The following COL4A3 variants were observed in gnomAD, a reference collection of about 807,000 sequenced individuals.
The protein encoded by COL4A3 is collagen type IV alpha 3 chain.
In COL4A3, 135 loss-of-function variants were observed where a neutral mutation model predicts 217.4. That is an observed-to-expected ratio of 0.62 (90% CI 0.54 to 0.72). The LOEUF is 0.72. Among genes scored for constraint, COL4A3 ranks in the 30% least tolerant of loss-of-function variants. The pLI, the probability that COL4A3 is intolerant of heterozygous loss-of-function variation, is 0.00. For missense variants in COL4A3, 1,868 were observed against 2,119.9 expected, an observed-to-expected ratio of 0.88 and a Z score of 2.33; for synonymous variants, 690 against 736.3, an observed-to-expected ratio of 0.94 and a Z score of 1.02.
chr2:227,164,706 G>C lies in COL4A3; in HGVS notation c.-21G>C. ...GCCTGAGGGTCCCCGGACTCGCCCAGGCTCTGAGCGCGCGCCCACCATGAG... is the reference window on the plus strand; with the variant it reads ...GCCTGAGGGTCCCCGGACTCGCCCACGCTCTGAGCGCGCGCCCACCATGAG... On this transcript the variant is annotated 5_prime_UTR_variant, in exon 1 of 52. Coordinates refer to ENST00000396578, the MANE Select transcript of COL4A3 (RefSeq NM_000091.5). The surrounding 1 kb of genome is among the most constrained non-coding windows in gnomAD (Gnocchi z 4.8). The C allele has an allele frequency of 1.3e-6, 2 of 1,530,106 alleles. No homozygotes were observed. The highest frequency in any genetic ancestry group is 1.2e-5 in the South Asian group (1 of 83,764). 94.8% of individuals were successfully genotyped at this position (1,530,106 alleles called of 1,614,324 possible). A position where few individuals can be genotyped will look rare whatever the true frequency, so the allele number is the denominator to read the frequency against.
rs2125956319 is a variant in COL4A3 at position 227,259,805 on chromosome 2, G to T, written c.1042G>T (p.Asp348Tyr). ...TTTCTCCTCTAAGACAGAATATTAT[G>T]ACACATACCAGGAAAAGGGAGATGA... ...PGFRGPTEYY[D>Y]TYQEKGDEGT... The change falls in exon 19 of 52, where the codon GAC becomes TAC. Residue 348 changes from aspartate (D) to tyrosine (Y), a missense_variant. This residue lies in a region of COL4A3 where 1,503 missense variants were observed against 1,786.1 expected (regional missense o/e 0.84). Transcript: ENST00000396578. The T allele has an allele frequency of 6.2e-7, 1 of 1,611,886 alleles. No individual in the cohort carries two copies. Among genetic ancestry groups the T allele is most frequent in the South Asian group, 1.1e-5 (1 of 91,006 alleles).
At position 227,259,005 on chromosome 2, in the gene COL4A3, G is replaced by GT. The variant is rs35075518; in HGVS notation, c.1030-776dup. On this transcript the variant is annotated intron_variant, in intron 18 of 51. Transcript: ENST00000396578. Reference sequence around the variant, plus strand: ...ATCTAGCATATGAAAAAGCAAAGAGGTTTTTTTTTTTTCAAACCTTTGATA... The same window carrying GT: ...ATCTAGCATATGAAAAAGCAAAGAGGTTTTTTTTTTTTTCAAACCTTTGATA... Among the ~76,000 whole-genome samples, 1,271 of 142,728 alleles carry GT rather than the reference G, an allele frequency of 8.9e-3. 16 individuals carry two copies. The highest frequency in any genetic ancestry group is 0.029 in the African/African-American group (1,122 of 39,000). The allele number at this position is 142,728 out of a possible 152,430, so 93.6% of individuals were successfully genotyped here. A position where few individuals can be genotyped will look rare whatever the true frequency, so the allele number is the denominator to read the frequency against.
rs147748219 is a variant in COL4A3 at position 227,196,872 on chromosome 2, G to A, written c.87+32059G>A. Among the ~76,000 whole-genome samples, 338 of 151,558 alleles carry A rather than the reference G, an allele frequency of 2.2e-3. 3 individuals carry two copies. Among genetic ancestry groups the A allele is most frequent in the African/African-American group, 7.3e-3 (301 of 41,182 alleles). ...GTATAGTAGTAGGTCATGTGGTTTG[G>A]ATGTGTCCCCACCCAAATCTCATCT... On this transcript the variant is annotated intron_variant, in intron 1 of 51. Transcript: ENST00000396578.
intron 1 of COL4A3, among the ~76,000 whole-genome samples, chr2:227,208,765 T>TACACACACACACACACAC (rs60244094): frequency 1.4e-5 from 2 of 138,490 alleles, no homozygotes; most frequent in African/African-American, 5.4e-5. Context: ...GGCGGTTGGT[T>TACACACACACACACACAC]ACACACACAC....
At chr2:227,257,067 G>A (rs1045534070) in intron 17 of COL4A3, among the ~76,000 whole-genome samples, 2 of 152,192 alleles carry the variant, frequency 1.3e-5, no homozygotes, top group African/African-American at 4.8e-5. Context: ...GTAAAAATGT[G>A]ATATTATAAT....
rs75604341 is a variant in COL4A3 at position 227,204,678 on chromosome 2, G to A, written c.88-33290G>A. Among the ~76,000 whole-genome samples the A allele has an allele frequency of 7.8e-3, 1,186 of 152,240 alleles. 10 individuals are homozygous for A. The highest frequency in any genetic ancestry group is 0.037 in the Middle Eastern group (11 of 294). ...CTGGACACAAGTACCAAGTAGCCAG[G>A]GATTTTCAAATTCTATCCCCAGATT... On this transcript the variant is annotated intron_variant, in intron 1 of 51. Coordinates refer to ENST00000396578, the MANE Select transcript of COL4A3 (RefSeq NM_000091.5).
chr2:227,178,662 A>G (rs1439827514), intron 1 of COL4A3, among the ~76,000 whole-genome samples: 1 of 151,912 alleles, frequency 6.6e-6, no homozygotes, highest in East Asian at 1.9e-4. Flanking sequence ...CCTCCTGAGT[A>G]GCTGGGATTA....
In COL4A3 at chr2:227,250,560, T is replaced by G. The variant is rs531298231; in HGVS notation, c.547-580T>G. The stretch of plus-strand genomic sequence containing the variant: ...TGCCTTCATAGAGCTTACATTCTCA[T>G]GGGGGAAACAAAAGCGTGTAAATGA... On this transcript the variant is annotated intron_variant, in intron 9 of 51. Transcript: ENST00000396578. The surrounding 1 kb of genome is among the most constrained non-coding windows in gnomAD (Gnocchi z 4.1). Among the ~76,000 whole-genome samples the G allele has an allele frequency of 1.2e-4, 18 of 152,006 alleles. No homozygotes were observed. The South Asian group carries it at 2.9e-3, about 25-fold the overall frequency.
intron 34 of COL4A3, among the ~76,000 whole-genome samples, chr2:227,288,488 G>C (rs1337657976): frequency 1.3e-5 from 2 of 152,186 alleles, no homozygotes; most frequent in East Asian, 3.8e-4. Flanking sequence ...GAGCTTTCCA[G>C]CTGGGCAGAA....
At chr2:227,290,614 T>C (rs2072634890) in intron 36 of COL4A3, 133 bp from the exon 37 acceptor site, 3 of 728,652 alleles carry the variant, frequency 4.1e-6, no homozygotes, top group East Asian at 2.7e-5. Context: ...TAATCATCTA[T>C]TGTAACTACC....
chr2:227,295,741 C>A (rs1382701395), intron 41 of COL4A3, among the ~76,000 whole-genome samples: 1 of 152,148 alleles, frequency 6.6e-6, no homozygotes, highest in Non-Finnish European at 1.5e-5. Context: ...ACCCCCAGAT[C>A]CAGCTTGCGG....
At chr2:227,231,303 G>C (rs955530229) in intron 1 of COL4A3, among the ~76,000 whole-genome samples, 5 of 152,156 alleles carry the variant, frequency 3.3e-5, no homozygotes, top group African/African-American at 1.2e-4. Context: ...CAGAGCTGGA[G>C]GCGTCCCCCT....
In COL4A3 at chr2:227,293,705, T is replaced by G. The variant is rs570639318; in HGVS notation, c.3337+388T>G. 7 of 475,004 alleles carry G rather than the reference T, an allele frequency of 1.5e-5. No individual in the cohort carries two copies. The Admixed American group carries it at 1.6e-4, about 11-fold the overall frequency. 29.4% of individuals were successfully genotyped at this position (475,004 alleles called of 1,614,324 possible). ...TGTTAGCCAAAAGGCTGAGAAGTGA[T>G]TAGGTGGCTTAAACTACAGATGTTT... is the stretch of plus-strand genomic sequence containing the variant. On this transcript the variant is annotated intron_variant, in intron 38 of 51. Coordinates refer to ENST00000396578, the MANE Select transcript of COL4A3 (RefSeq NM_000091.5).
chr2:227,296,427 T>C (rs1429324940), intron 41 of COL4A3: 7 of 858,566 alleles, frequency 8.2e-6, no homozygotes, highest in Non-Finnish European at 9.8e-6. Flanking sequence ...TTTAAAAGCC[T>C]TAAAACTAAC....
Position 227,225,705 on chromosome 2 carries a change from CTTTCT to C in COL4A3, c.88-12259_88-12255del, listed in dbSNP as rs1222434882. 2.5e-4 allele frequency among the ~76,000 whole-genome samples: 31 copies of C among 122,480 alleles called. No homozygotes were observed. The South Asian group carries it at 6.9e-3, about 27-fold the overall frequency. 80.4% of individuals were successfully genotyped at this position (122,480 alleles called of 152,430 possible). On this transcript the variant is annotated intron_variant, in intron 1 of 51. Transcript: ENST00000396578. ...TCCCATGTTAAGGGAACAGCTTTTT[CTTTCT>C]TTTTTTTTTTTTTTTTTGTTGAGAC...
intron 1 of COL4A3, among the ~76,000 whole-genome samples, chr2:227,208,002 G>C (rs1295231178): frequency 2.0e-5 from 3 of 151,972 alleles, no homozygotes; most frequent in Non-Finnish European, 4.4e-5. Context: ...TGGAGTATTG[G>C]TTACTCTCTC....
chr2:227,269,848 T>C, intron 23 of COL4A3, 62 bp from the exon 24 acceptor site: 5 of 1,356,210 alleles, frequency 3.7e-6, no homozygotes, highest in Non-Finnish European at 5.3e-6. Flanking sequence ...TACATTGTAT[T>C]ACCCTGTCTA....
In COL4A3 at chr2:227,253,594, C is replaced by G. The variant is rs1210114948; in HGVS notation, c.721C>G (p.Pro241Ala). ...AGGGTTAACAGGACCCCCGGGACCA[C>G]CAGGAACAGTTATTGTGACCCTAAC... ...VKGLTGPPGP[P>A]GTVIVTLTGP... Residue 241 changes from proline (P) to alanine (A), a missense_variant, in exon 13 of 52, where the codon CCA becomes GCA. Physicochemically the swap from Pro to Ala is conservative, Grantham distance 27. Transcript: ENST00000396578. The surrounding 1 kb of genome is among the most constrained non-coding windows in gnomAD (Gnocchi z 4.4). 6 of 1,614,054 alleles carry G rather than the reference C, an allele frequency of 3.7e-6. No individual in the cohort carries two copies. The highest frequency in any genetic ancestry group is 5.1e-6 in the Non-Finnish European group (6 of 1,179,946).
In COL4A3 at chr2:227,191,525, C is replaced by A. The variant is rs1215997178; in HGVS notation, c.87+26712C>A. ...TTGTGGAGCTCCCCTGTTGGCCATTCCCCGCATCAAGGATTCAAAGAACCT... is the reference window on the plus strand; with the variant it reads ...TTGTGGAGCTCCCCTGTTGGCCATTACCCGCATCAAGGATTCAAAGAACCT... On this transcript the variant is annotated intron_variant, in intron 1 of 51. Coordinates refer to ENST00000396578, the MANE Select transcript of COL4A3 (RefSeq NM_000091.5). This position sits in a 1 kb window ranked among gnomAD's most constrained non-coding sequence, Gnocchi z 6.8. Among the ~76,000 whole-genome samples the A allele has an allele frequency of 6.6e-6, 1 of 152,166 alleles. No homozygotes were observed. The highest frequency in any genetic ancestry group is 1.5e-5 in the Non-Finnish European group (1 of 68,040).
Sources: gnomAD v4.1 joint callset for allele counts (sites outside exome capture counted in the v4.1 genomes callset) on GRCh38, gnomAD v4.1.1 for gene constraint, gnomAD v4.1.1 regional missense constraint, Gnocchi (gnomAD v3.1) non-coding constraint, MANE v1.5 for transcripts, NCBI Gene and HGNC (gene_info 2026-07-23, HGNC 2026-07-21) for gene names.